Variants in SLC7A14 observed in about 807,000 individuals in gnomAD.
The protein encoded by SLC7A14 is gamma-aminobutyric acid transporter SLC7A14.
In SLC7A14, 37 loss-of-function variants were observed where a neutral mutation model predicts 60.2. The ratio of observed to expected loss-of-function variants is 0.61; its 90% confidence interval spans 0.47 to 0.81. The LOEUF (loss-of-function observed/expected upper bound fraction) is 0.81, where lower values mean the gene tolerates loss of function less well. SLC7A14 is among the 30% of genes least tolerant of loss of function. The pLI, the probability that SLC7A14 is intolerant of heterozygous loss-of-function variation, is 0.00. For missense variants in SLC7A14, 886 were observed against 982.7 expected (o/e 0.90, Z 1.32); for synonymous variants, 399 against 395.8 (o/e 1.01, Z -0.10).
At chr3:170,576,448 C>T (rs1715093271) in intron 1 of SLC7A14, among the ~76,000 whole-genome samples, 1 of 152,180 alleles carries the variant, frequency 6.6e-6, no homozygotes, top group African/African-American at 2.4e-5. Flanking sequence ...AATCTTTGCC[C>T]CTGCAGAGGT....
chr3:170,514,804 C>A (rs1713099091), intron 2 of SLC7A14, among the ~76,000 whole-genome samples: 1 of 152,156 alleles, frequency 6.6e-6, no homozygotes, highest in African/African-American at 2.4e-5. Context: ...TGGAAACTGG[C>A]CAATACTCTT....
chr3:170,546,091 G>T (rs1714172587), intron 1 of SLC7A14, among the ~76,000 whole-genome samples: 1 of 152,220 alleles, frequency 6.6e-6, no homozygotes, highest in South Asian at 2.1e-4. Flanking sequence ...TTTGGCATTA[G>T]AAGAGAAGAA....
chr3:170,478,857 C>T (rs1296851337), intron 7 of SLC7A14, among the ~76,000 whole-genome samples: 1 of 152,160 alleles, frequency 6.6e-6, no homozygotes, highest in African/African-American at 2.4e-5. Context: ...GGCACAGTGG[C>T]TCATGCCTGT....
At chr3:170,486,128 A>G (rs139987474) in intron 5 of SLC7A14, 94 bp downstream of exon 5, 8 of 1,487,140 alleles carry the variant, frequency 5.4e-6, no homozygotes, top group Non-Finnish European at 7.3e-6. Flanking sequence ...ACAGACACCA[A>G]GAAGACATAG....
At position 170,467,217 on chromosome 3, in the gene SLC7A14, C is replaced by G. The variant is rs1303917350; in HGVS notation, c.2154G>C (p.Glu718Asp). ...TGTCTTCAGTGGGCCCGCCCCAGTC[C>G]TCCTGGCTCTCGCCCTCTGTGGCGT... ...FSYATEGESQ[E>D]DWGGPTEDKG... The change falls in exon 8 of 8, where the codon GAG becomes GAC. Residue 718 changes from glutamate to aspartate, a missense_variant. Coordinates refer to ENST00000231706, the MANE Select transcript of SLC7A14 (RefSeq NM_020949.3). The G allele has an allele frequency of 6.2e-7, 1 of 1,614,068 alleles. No individual in the cohort carries two copies. The highest frequency in any genetic ancestry group is 1.3e-5 in the African/African-American group (1 of 74,946).
chr3:170,516,211 T>C (rs1009497266), intron 2 of SLC7A14, among the ~76,000 whole-genome samples: 3 of 152,210 alleles, frequency 2.0e-5, no homozygotes. Flanking sequence ...TTGATCCCTA[T>C]ATAGAAGAGC....
At chr3:170,536,857 T>C (rs1304380769) in intron 1 of SLC7A14, among the ~76,000 whole-genome samples, 1 of 152,190 alleles carries the variant, frequency 6.6e-6, no homozygotes, top group Non-Finnish European at 1.5e-5. Context: ...TCTGAAATGA[T>C]GAGATCATAA....
At chr3:170,487,424 G>A (rs1712070948) in intron 4 of SLC7A14, among the ~76,000 whole-genome samples, 1 of 151,656 alleles carries the variant, frequency 6.6e-6, no homozygotes, top group African/African-American at 2.4e-5. Flanking sequence ...ATGGGGTGAG[G>A]GAAAAAGAAG....
chr3:170,500,599 A>AT (rs1220906447), intron 3 of SLC7A14, among the ~76,000 whole-genome samples: 2 of 151,838 alleles, frequency 1.3e-5, no homozygotes, highest in Non-Finnish European at 2.9e-5. Flanking sequence ...TATTCATTAA[A>AT]TTTTTTTTCA....
In SLC7A14 at chr3:170,486,217, C is replaced by G. The variant is rs1157634819; in HGVS notation, c.906+5G>C. Reference sequence around the variant, plus strand: ...AGGAGGGTCCCGCAAGCATCTGGTACTTACAGACACATATGCTGTCAGGCA... The same window carrying G: ...AGGAGGGTCCCGCAAGCATCTGGTAGTTACAGACACATATGCTGTCAGGCA... On this transcript the variant is annotated splice_donor_5th_base_variant and intron_variant, in intron 5 of 7. Transcript: ENST00000231706. 8 of 1,613,912 alleles carry G rather than the reference C, an allele frequency of 5.0e-6. No homozygotes were observed. The African/African-American group carries it at 1.1e-4, about 22-fold the overall frequency.
rs1739575770 is a variant in SLC7A14 at position 170,460,516 on chromosome 3, G to A, written c.*6539C>T. On this transcript the variant is annotated 3_prime_UTR_variant, in exon 8 of 8. Transcript: ENST00000231706. ...GCCTTTGGGAGTGTGAATGAGACAA[G>A]CGTATCAGCAACTGCCAAGACCAAT... The A allele has an allele frequency of 6.6e-6, 1 of 152,176 alleles. No individual in the cohort carries two copies. Among genetic ancestry groups the A allele is most frequent in the African/African-American group, 2.4e-5 (1 of 41,448 alleles). 9.4% of individuals were successfully genotyped at this position (152,176 alleles called of 1,614,324 possible). A position where few individuals can be genotyped will look rare whatever the true frequency, so the allele number is the denominator to read the frequency against.
intron 1 of SLC7A14, among the ~76,000 whole-genome samples, chr3:170,559,725 C>G (rs1714588938): frequency 6.6e-6 from 1 of 152,228 alleles, no homozygotes; most frequent in African/African-American, 2.4e-5. Flanking sequence ...ATCTGTCACT[C>G]TCTCTTCCTT....
chr3:170,473,319 A>T (rs1382727693), intron 7 of SLC7A14, among the ~76,000 whole-genome samples: 2 of 152,246 alleles, frequency 1.3e-5, no homozygotes, highest in African/African-American at 2.4e-5. Context: ...GAGACTGAGT[A>T]ATGCAAACAA....
At chr3:170,559,009 G>A (rs1714565824) in intron 1 of SLC7A14, among the ~76,000 whole-genome samples, 1 of 152,194 alleles carries the variant, frequency 6.6e-6, no homozygotes, top group South Asian at 2.1e-4. Context: ...GTGCTGTGTT[G>A]GGAGGTTGAT....
At chr3:170,499,831 T>C (rs1306028967) in intron 3 of SLC7A14, among the ~76,000 whole-genome samples, 1 of 152,200 alleles carries the variant, frequency 6.6e-6, no homozygotes, top group Non-Finnish European at 1.5e-5. Context: ...CATAGCCAGA[T>C]GTGTGGCCTT....
At chr3:170,557,298 A>G (rs1444867342) in intron 1 of SLC7A14, among the ~76,000 whole-genome samples, 1 of 152,000 alleles carries the variant, frequency 6.6e-6, no homozygotes, top group Non-Finnish European at 1.5e-5. Flanking sequence ...TTTTTTCAGA[A>G]ACCTCACAGC....
At chr3:170,568,992 T>TA (rs1560283346) in intron 1 of SLC7A14, among the ~76,000 whole-genome samples, 1 of 152,218 alleles carries the variant, frequency 6.6e-6, no homozygotes, top group Non-Finnish European at 1.5e-5. Context: ...CCTAATTGAA[T>TA]ACCCTTTATT....
Position 170,527,031 on chromosome 3 carries a change from C to T in SLC7A14, c.-95G>A. 7.3e-7 allele frequency: 1 copy of T among 1,375,600 alleles called. No homozygotes were observed. The highest frequency in any genetic ancestry group is 9.7e-7 in the Non-Finnish European group (1 of 1,025,652). 85.2% of individuals were successfully genotyped at this position (1,375,600 alleles called of 1,614,324 possible). On this transcript the variant is annotated 5_prime_UTR_variant, in exon 2 of 8. Coordinates refer to ENST00000231706, the MANE Select transcript of SLC7A14 (RefSeq NM_020949.3). The stretch of plus-strand genomic sequence containing the variant: ...TGGAACTCATCTAGTGAACAGGGAT[C>T]TCCCTTTTAGGAAAGGCCCAGAGGG...
chr3:170,495,291 T>C lies in SLC7A14; in HGVS notation c.759+3376A>G, dbSNP rs1283768045. 2.0e-5 allele frequency among the ~76,000 whole-genome samples: 3 copies of C among 152,348 alleles called. No individual in the cohort carries two copies. In the South Asian group the frequency reaches 6.2e-4, roughly 32 times the overall value. ...TGGCCAAAGTCTTCCAGTAAGTCCA[T>C]GACCCAATAATTTCTTATACTGTTA... On this transcript the variant is annotated intron_variant, in intron 4 of 7. Transcript: ENST00000231706.
Sources: gnomAD v4.1 joint callset for allele counts (sites outside exome capture counted in the v4.1 genomes callset) on GRCh38, gnomAD v4.1.1 for gene constraint, MANE v1.5 for transcripts, NCBI Gene and HGNC (gene_info 2026-07-23, HGNC 2026-07-21) for gene names.